The following CCDC91 variants were observed in gnomAD, a reference collection of about 807,000 sequenced individuals.
CCDC91 encodes coiled-coil domain-containing protein 91.
In CCDC91, 48 loss-of-function variants were observed where a neutral mutation model predicts 63.2. The ratio of observed to expected loss-of-function variants is 0.76; its 90% CI spans 0.60 to 0.97. CCDC91 has a LOEUF of 0.97. CCDC91 is among the 50% of genes least tolerant of loss of function. The pLI is 0.00. For missense variants in CCDC91, 500 were observed against 494.6 expected, an observed-to-expected ratio of 1.01 and a Z score of -0.10; for synonymous variants, 167 against 165.8, an observed-to-expected ratio of 1.01 and a Z score of -0.06.
chr12:28,227,636 C>A (rs1944353292), intron 1 of CCDC91, among the ~76,000 whole-genome samples: 1 of 152,018 alleles, frequency 6.6e-6, no homozygotes, highest in African/African-American at 2.4e-5. Context: ...AAGGTAGAAA[C>A]CGATGGGATC....
chr12:28,420,025 G>A (rs1947908457), intron 8 of CCDC91, among the ~76,000 whole-genome samples: 2 of 152,012 alleles, frequency 1.3e-5, no homozygotes, highest in Non-Finnish European at 2.9e-5. Context: ...CCAAAGTGCT[G>A]GGATTAAAGG....
rs1409262167 is a variant in CCDC91, at chr12:28,375,876, T to C, written c.654+13361T>C. On this transcript the variant is annotated intron_variant, in intron 7 of 12. Transcript: ENST00000536442. ...TCAAAGATTACCATCTTATCTATTA[T>C]GTAGAGTATCATATTTTTGAGATAA... Among the ~76,000 whole-genome samples, 5 of 151,966 alleles carry C rather than the reference T, an allele frequency of 3.3e-5. No homozygotes were observed. The South Asian group carries it at 1.0e-3, about 31-fold the overall frequency.
chr12:28,275,955 A>G (rs541313507), intron 3 of CCDC91, among the ~76,000 whole-genome samples: 8 of 152,230 alleles, frequency 5.3e-5, no homozygotes, highest in African/African-American at 1.9e-4. Flanking sequence ...TAAATTAGGT[A>G]TTGATGGGAC....
intron 12 of CCDC91, among the ~76,000 whole-genome samples, chr12:28,533,050 C>A (rs1941873023): frequency 6.6e-6 from 1 of 152,066 alleles, no homozygotes; most frequent in South Asian, 2.1e-4. Context: ...GAAGATACAA[C>A]TATTATTTCC....
At chr12:28,381,166 TGAAAA>T (rs1945276427) in intron 7 of CCDC91, among the ~76,000 whole-genome samples, 1 of 152,150 alleles carries the variant, frequency 6.6e-6, no homozygotes, top group South Asian at 2.1e-4. Context: ...TAAAACAGAC[TGAAAA>T]GAAAAGCAGA....
At chr12:28,453,884 T>C (rs1352274161) in intron 11 of CCDC91, among the ~76,000 whole-genome samples, 1 of 152,050 alleles carries the variant, frequency 6.6e-6, no homozygotes, top group Non-Finnish European at 1.5e-5. Context: ...CATTCATCAC[T>C]TGAATTGGGT....
At chr12:28,429,412 G>A (rs1472335570) in intron 8 of CCDC91, among the ~76,000 whole-genome samples, 1 of 152,012 alleles carries the variant, frequency 6.6e-6, no homozygotes, top group Non-Finnish European at 1.5e-5. Context: ...CAATGTACCA[G>A]GCAACATACT....
chr12:28,371,316 G>A (rs1454972859), intron 7 of CCDC91, among the ~76,000 whole-genome samples: 2 of 151,970 alleles, frequency 1.3e-5, no homozygotes, highest in African/African-American at 2.4e-5. Flanking sequence ...AAAACCTTAT[G>A]GTGAACTGCA....
intron 3 of CCDC91, among the ~76,000 whole-genome samples, chr12:28,281,139 C>T (rs1020881110): frequency 9.2e-5 from 14 of 151,982 alleles, no homozygotes; most frequent in Admixed American, 7.2e-4. Flanking sequence ...GGTCTTAATG[C>T]TATTTAGTCT....
chr12:28,452,743 AAAC>A (rs1949872387), intron 11 of CCDC91, 89 bp downstream of exon 11: 3 of 546,708 alleles, frequency 5.5e-6, no homozygotes, highest in South Asian at 9.4e-5. Flanking sequence ...ATCTTACTTA[AAAC>A]AACCTTAGTA....
chr12:28,409,747 T>A (rs557999749), intron 8 of CCDC91, among the ~76,000 whole-genome samples: 21 of 152,154 alleles, frequency 1.4e-4, no homozygotes, highest in Non-Finnish European at 1.8e-4. Flanking sequence ...ATGTTTTCAT[T>A]TTCAATTCAA....
chr12:28,386,713 T>C (rs1258796707), intron 7 of CCDC91, among the ~76,000 whole-genome samples: 2 of 152,222 alleles, frequency 1.3e-5, no homozygotes, highest in Non-Finnish European at 2.9e-5. Flanking sequence ...GTTTAGTGAA[T>C]TAAATCCTCT....
chr12:28,245,697 A>G (rs1303290197), intron 1 of CCDC91, among the ~76,000 whole-genome samples: 1 of 152,208 alleles, frequency 6.6e-6, no homozygotes, highest in East Asian at 1.9e-4. Flanking sequence ...GGAACCACAT[A>G]TCATTGATAA....
chr12:28,211,742 C>G (rs1489370892), intron 1 of CCDC91, among the ~76,000 whole-genome samples: 1 of 151,434 alleles, frequency 6.6e-6, no homozygotes, highest in Non-Finnish European at 1.5e-5. Context: ...CTCAGGTTCT[C>G]TTGATTAACT....
intron 7 of CCDC91, among the ~76,000 whole-genome samples, chr12:28,363,876 G>GAAAAA (rs34997286): frequency 5.8e-3 from 301 of 52,294 alleles, no homozygotes; most frequent in Non-Finnish European, 8.0e-3. Context: ...GGCTCCATCT[G>GAAAAA]AAAAAAAAAA....
intron 1 of CCDC91, among the ~76,000 whole-genome samples, chr12:28,196,256 T>C (rs1941759971): frequency 6.6e-6 from 1 of 152,282 alleles, no homozygotes; most frequent in Admixed American, 6.5e-5. Flanking sequence ...AACAGTAACC[T>C]TTAAAAATTT....
At chr12:28,381,493 T>C (rs1192270717) in intron 7 of CCDC91, among the ~76,000 whole-genome samples, 1 of 152,142 alleles carries the variant, frequency 6.6e-6, no homozygotes, top group African/African-American at 2.4e-5. Context: ...GCATCAGTCT[T>C]CTCTTTTTCC....
chr12:28,424,507 A>G (rs1434451235), intron 8 of CCDC91, among the ~76,000 whole-genome samples: 1 of 152,210 alleles, frequency 6.6e-6, no homozygotes, highest in Admixed American at 6.6e-5. Context: ...CTTTGAATAA[A>G]TGATACCTCA....
chr12:28,252,320 A>C (rs1216531480), intron 1 of CCDC91, among the ~76,000 whole-genome samples: 1 of 151,294 alleles, frequency 6.6e-6, no homozygotes, highest in Admixed American at 6.6e-5. Context: ...TGTTTTAGAA[A>C]ATTTTCCTGA....
Sources: gnomAD v4.1 joint callset for allele counts (sites outside exome capture counted in the v4.1 genomes callset) on GRCh38, gnomAD v4.1.1 for gene constraint, MANE v1.5 for transcripts, NCBI Gene and HGNC (gene_info 2026-07-23, HGNC 2026-07-21) for gene names.